The following GEMIN8 variants were observed in gnomAD, a reference collection of about 807,000 sequenced individuals.
GEMIN8 encodes the protein gem-associated protein 8.
For missense variants in GEMIN8, 185 were observed against 205.9 expected, an observed-to-expected ratio of 0.90 and a Z score of 0.62; for synonymous variants, 80 against 78.5, an observed-to-expected ratio of 1.02 and a Z score of -0.10.
intron 2 of GEMIN8, among the ~76,000 whole-genome samples, chrX:14,022,047 T>C (rs1433252267): frequency 1.5e-4 from 15 of 100,952 alleles, no homozygotes; most frequent in African/African-American, 5.4e-4. Flanking sequence ...ATATATAATG[T>C]GTATATATAT....
the GEMIN8 span, among the ~76,000 whole-genome samples, chrX:13,995,969 C>G: frequency 8.9e-6 from 1 of 112,133 alleles, no homozygotes; most frequent in African/African-American, 3.2e-5. Context: ...CTGTCATTTT[C>G]TAACTTCCCA....
intron 4 of GEMIN8, chrX:14,014,547 T>A (rs777057644): frequency 1.3e-6 from 1 of 747,250 alleles, no homozygotes; most frequent in South Asian, 6.9e-5. Context: ...CTGCACCAGA[T>A]GAAACACACA....
At chrX:14,017,731 C>G (rs1361483616) in intron 4 of GEMIN8, among the ~76,000 whole-genome samples, 1 of 112,100 alleles carries the variant, frequency 8.9e-6, no homozygotes, top group Non-Finnish European at 1.9e-5. Context: ...GCATGTGTGT[C>G]TGTCTCTGTG....
At chrX:14,016,123 T>C (rs1438730379) in intron 4 of GEMIN8, among the ~76,000 whole-genome samples, 1 of 112,194 alleles carries the variant, frequency 8.9e-6, no homozygotes, top group African/African-American at 3.2e-5. Flanking sequence ...ACGAAGTCTT[T>C]AGATTCCAGT....
the GEMIN8 span, among the ~76,000 whole-genome samples, chrX:13,998,694 T>C: frequency 9.0e-6 from 1 of 111,454 alleles, no homozygotes; most frequent in Non-Finnish European, 1.9e-5. Flanking sequence ...GCGCAAGAGA[T>C]CCACTTGCCT....
chrX:13,997,065 T>C, the GEMIN8 span, among the ~76,000 whole-genome samples: 2 of 107,854 alleles, frequency 1.9e-5, no homozygotes, highest in South Asian at 8.5e-4. Context: ...CCTCAGCCTC[T>C]GGAGTAGCTA....
intron 4 of GEMIN8, among the ~76,000 whole-genome samples, chrX:14,017,063 C>A (rs764536906): frequency 3.7e-5 from 4 of 108,285 alleles, no homozygotes; most frequent in Non-Finnish European, 7.6e-5. Flanking sequence ...CTCATATTAT[C>A]TCATGGATTC....
the GEMIN8 span, among the ~76,000 whole-genome samples, chrX:13,984,765 A>G: frequency 9.0e-6 from 1 of 111,683 alleles, no homozygotes; most frequent in African/African-American, 3.3e-5. Context: ...GGAAGGGTGC[A>G]TTATTGAGCT....
chrX:14,014,180 C>T (rs1923756385), intron 4 of GEMIN8: 1 of 752,096 alleles, frequency 1.3e-6, no homozygotes, highest in Non-Finnish European at 1.6e-6. Flanking sequence ...TTTTTCCCCT[C>T]ACTTTCCTAG....
chrX:14,024,282 C>T (rs1187197927), intron 2 of GEMIN8, among the ~76,000 whole-genome samples: 3 of 111,450 alleles, frequency 2.7e-5, no homozygotes, highest in Non-Finnish European at 5.7e-5. Flanking sequence ...GTGGATCACC[C>T]GAGGTCAGGA....
the GEMIN8 span, among the ~76,000 whole-genome samples, chrX:13,997,450 A>G: frequency 1.8e-5 from 2 of 111,862 alleles, no homozygotes; most frequent in Admixed American, 9.5e-5. Flanking sequence ...CATCTATAAG[A>G]GTGAGCCCAG....
intron 4 of GEMIN8, among the ~76,000 whole-genome samples, chrX:14,011,204 T>C (rs1923512184): frequency 1.8e-5 from 2 of 111,899 alleles, no homozygotes; most frequent in African/African-American, 6.5e-5. Context: ...AAAGCTTAGC[T>C]TCGTGCTTTT....
the GEMIN8 span, among the ~76,000 whole-genome samples, chrX:13,985,359 C>T: frequency 1.8e-5 from 2 of 111,883 alleles, no homozygotes; most frequent in Non-Finnish European, 3.8e-5. Flanking sequence ...AGCCATGCTC[C>T]TTAATCATCT....
At position 14,020,155 on chromosome X, in the gene GEMIN8, C is replaced by T. The variant is rs2147133297; in HGVS notation, c.395G>A (p.Cys132Tyr). Residue 132 changes from cysteine (C) to tyrosine (Y), a missense_variant, in exon 4 of 5, where the codon TGT becomes TAT. By Grantham distance (194) the Cys-to-Tyr change is radical. Coordinates refer to ENST00000680255, the MANE Select transcript of GEMIN8 (RefSeq NM_001042479.2). ...METESDAEVE[C>Y]DLSNMEITEE... is the part of the protein sequence containing the mutation. ...AGTGATTTCCATATTGCTCAGGTCACATTCTACCTCTGCATCTGACTCAGT... is the reference window on the plus strand; with the variant it reads ...AGTGATTTCCATATTGCTCAGGTCATATTCTACCTCTGCATCTGACTCAGT... 8.3e-7 allele frequency: 1 copy of T among 1,206,382 alleles called. No homozygotes were observed. Among genetic ancestry groups the T allele is most frequent in the Non-Finnish European group, 1.1e-6 (1 of 890,661 alleles).
In GEMIN8 at chrX:14,014,515, G is replaced by A. The variant is rs773216487; in HGVS notation, c.473-5346C>T. On this transcript the variant is annotated intron_variant, in intron 4 of 4. Coordinates refer to ENST00000680255, the MANE Select transcript of GEMIN8 (RefSeq NM_001042479.2). ...ATTAACACGTATCATCTCACTGATC[G>A]GTTTTGTGCACCTGTGAATATCTGC... 21 of 749,914 alleles carry A rather than the reference G, an allele frequency of 2.8e-5. No homozygotes were observed. The African/African-American group carries it at 3.0e-4, about 11-fold the overall frequency. The allele number at this position is 749,914 out of a possible 1,213,427, so 61.8% of individuals were successfully genotyped here. A position where few individuals can be genotyped will look rare whatever the true frequency, so the allele number is the denominator to read the frequency against.
At chrX:14,029,690 T>C (rs931341388) in intron 1 of GEMIN8, 87 bp downstream of exon 1, 16 of 112,587 alleles carry the variant, frequency 1.4e-4, no homozygotes, top group African/African-American at 4.5e-4. Flanking sequence ...AGACCTCGGC[T>C]CTCTGCGCAT....
chrX:13,996,435 C>T, the GEMIN8 span, among the ~76,000 whole-genome samples: 3 of 111,762 alleles, frequency 2.7e-5, no homozygotes, highest in African/African-American at 9.8e-5. Context: ...GCAATCATGG[C>T]AGAAGGTGAA....
chrX:14,014,771 C>A (rs765538722), intron 4 of GEMIN8, among the ~76,000 whole-genome samples: 1 of 112,022 alleles, frequency 8.9e-6, no homozygotes, highest in Non-Finnish European at 1.9e-5. Context: ...CGTATGAAAA[C>A]CACATCTGGG....
intron 4 of GEMIN8, chrX:14,014,607 T>C (rs1403239727): frequency 3.4e-6 from 2 of 591,519 alleles, no homozygotes; most frequent in Non-Finnish European, 2.0e-6. Flanking sequence ...TTCAACCTCA[T>C]TGACTAAAGC....
Sources: allele counts gnomAD v4.1 joint callset (sites outside exome capture counted in the v4.1 genomes callset), GRCh38; gene constraint gnomAD v4.1.1; transcripts MANE v1.5; gene names NCBI Gene and HGNC (gene_info 2026-07-23, HGNC 2026-07-21).